COX18: variants seen among roughly 807,000 people sequenced by gnomAD.
COX18 encodes the protein cytochrome c oxidase assembly protein COX18, mitochondrial.
A neutral mutation model predicts 38.0 loss-of-function variants in COX18; 45 were observed. The observed-to-expected ratio is 1.18, with a 90% CI of 0.93 to 1.52. The LOEUF is 1.52. COX18 is among the 40% of genes most tolerant of loss of function. The pLI is 0.00. For synonymous variants in COX18, 177 were observed against 169.8 expected (o/e 1.04, Z -0.33); for missense variants, 462 against 423.8 (o/e 1.09, Z -0.79).
In COX18 at chr4:73,055,349, A is replaced by G. The variant is rs968519541; in HGVS notation, c.*2765T>C. 5.3e-5 allele frequency: 8 copies of G among 152,238 alleles called. No homozygotes were observed. The highest frequency in any genetic ancestry group is 1.9e-4 in the African/African-American group (8 of 41,460). 9.4% of individuals were successfully genotyped at this position (152,238 alleles called of 1,614,324 possible). ...GTCCACAAACACTGAAGTAGTGAAT[A>G]CCAAATCACTGCTCCTAGAAAACAT... On this transcript the variant is annotated 3_prime_UTR_variant, in exon 6 of 6. Transcript: ENST00000507544.
chr4:73,066,576 A>G (rs1449933325), intron 2 of COX18, among the ~76,000 whole-genome samples: 1 of 152,230 alleles, frequency 6.6e-6, no homozygotes, highest in Non-Finnish European at 1.5e-5. Flanking sequence ...AAGCCCTCAG[A>G]TGTTTCCTCC....
intron 2 of COX18, among the ~76,000 whole-genome samples, 165 bp downstream of exon 2, chr4:73,067,864 A>AAAATATATAT: frequency 2.0e-4 from 4 of 20,022 alleles, no homozygotes; most frequent in African/African-American, 2.7e-4. Flanking sequence ...AAAAAAAAAA[A>AAAATATATAT]ATATATATAT....
In COX18 at chr4:73,065,395, A is replaced by T; in HGVS notation, c.453T>A (p.Asn151Lys). 6.2e-7 allele frequency: 1 copy of T among 1,612,618 alleles called. No homozygotes were observed. The highest frequency in any genetic ancestry group is 8.5e-7 in the Non-Finnish European group (1 of 1,179,282). The change falls in exon 3 of 6, where the codon AAT becomes AAA. Residue 151 changes from asparagine (N) to lysine (K), a missense_variant. Coordinates refer to ENST00000507544, the MANE Select transcript of COX18 (RefSeq NM_001297732.2). ...ATAGCTCTGAAATTAGCCTCCTCAT[A>T]TTCTTTAGATAAGTGAGCCTAGATT... ...KRDARLTYLK[N>K]MRRLISELYV...
intron 2 of COX18, among the ~76,000 whole-genome samples, chr4:73,066,082 T>C (rs1380239212): frequency 1.3e-5 from 2 of 152,242 alleles, no homozygotes; most frequent in Non-Finnish European, 2.9e-5. Flanking sequence ...CTGTATCATA[T>C]ATTTTGTACA....
At chr4:73,062,604 C>T (rs970069470) in intron 4 of COX18, among the ~76,000 whole-genome samples, 8 of 151,942 alleles carry the variant, frequency 5.3e-5, no homozygotes, top group East Asian at 3.9e-4. Flanking sequence ...CCAGGCAGGC[C>T]GATTGTTTGA....
intron 2 of COX18, among the ~76,000 whole-genome samples, chr4:73,067,550 TAA>T (rs898642840): frequency 1.3e-5 from 2 of 151,938 alleles, no homozygotes; most frequent in African/African-American, 2.4e-5. Context: ...TATGAAAATA[TAA>T]AAGAGTAGGC....
At position 73,069,646 on chromosome 4, in the gene COX18, G is replaced by A. The variant is rs761373519; in HGVS notation, c.4C>T (p.Leu2=). Residue 2 remains leucine (L), a synonymous_variant, in exon 1 of 6, where the codon CTG becomes TTG. Transcript: ENST00000507544. M[L]CRLGGRWLRP... is the part of the protein sequence containing the mutation. ...AGCCACCGACCGCCGAGCCGGCACA[G>A]CATTTCTGCACCACGGCGGAGCCCA... The A allele has an allele frequency of 1.8e-5, 28 of 1,548,476 alleles. No homozygotes were observed. Among genetic ancestry groups the A allele is most frequent in the Non-Finnish European group, 2.4e-5 (28 of 1,152,330 alleles).
chr4:73,069,276 G>A (rs1000028337), intron 1 of COX18, 41 bp downstream of exon 1: 2 of 1,397,164 alleles, frequency 1.4e-6, no homozygotes, highest in South Asian at 1.5e-5. Flanking sequence ...CCGCCGCAGG[G>A]GTTGCAGCGC....
In COX18 at chr4:73,061,877, T is replaced by A. The variant is rs776772795; in HGVS notation, c.767A>T (p.Tyr256Phe). ...QKIGMSRFQT[Y>F]ITYFVRAMSV... ...CATTGCACGGACAAAGTACGTAATA[T>A]ACGTCTGAAAACGAGACATTCCAAT... Residue 256 changes from tyrosine (Y) to phenylalanine (F), a missense_variant, in exon 5 of 6, where the codon TAT becomes TTT. Transcript: ENST00000507544. 1 of 1,613,688 alleles carries A rather than the reference T, an allele frequency of 6.2e-7. No homozygotes were observed. Among genetic ancestry groups the A allele is most frequent in the East Asian group, 2.2e-5 (1 of 44,882 alleles).
chr4:73,066,673 C>T (rs758068266), intron 2 of COX18, among the ~76,000 whole-genome samples: 1 of 152,306 alleles, frequency 6.6e-6, no homozygotes, highest in African/African-American at 2.4e-5. Flanking sequence ...ATCTAGGCTG[C>T]GTTGATAACC....
At position 73,054,579 on chromosome 4, in the gene COX18, A is replaced by G. The variant is rs950962355; in HGVS notation, c.*3535T>C. 2 of 152,230 alleles carry G rather than the reference A, an allele frequency of 1.3e-5. No homozygotes were observed. Among genetic ancestry groups the G allele is most frequent in the Non-Finnish European group, 2.9e-5 (2 of 68,046 alleles). The allele number at this position is 152,230 out of a possible 1,614,324, so 9.4% of individuals were successfully genotyped here. ...TCAAACTTCCTGTATATATTTGAAA[A>G]GAAATTTCAAGTTTGAAAGTTTGAC... is the stretch of plus-strand genomic sequence containing the variant. On this transcript the variant is annotated 3_prime_UTR_variant, in exon 6 of 6. Coordinates refer to ENST00000507544, the MANE Select transcript of COX18 (RefSeq NM_001297732.2).
In COX18 at chr4:73,067,556, A is replaced by G. The variant is rs1040227153; in HGVS notation, c.434+473T>C. On this transcript the variant is annotated intron_variant, in intron 2 of 5. Coordinates refer to ENST00000507544, the MANE Select transcript of COX18 (RefSeq NM_001297732.2). The stretch of plus-strand genomic sequence containing the variant: ...TTAATAACTTATGAAAATATAAAAG[A>G]GTAGGCTGGGCACGGTGGCTCACGC... Among the ~76,000 whole-genome samples the G allele has an allele frequency of 2.0e-5, 3 of 152,096 alleles. No homozygotes were observed. In the South Asian group the frequency reaches 6.2e-4, roughly 32 times the overall value.
chr4:73,069,724 C>G (rs577294630), upstream of COX18: 11 of 1,392,834 alleles, frequency 7.9e-6, no homozygotes, highest in African/African-American at 1.1e-4. Flanking sequence ...AAGGCTGATA[C>G]GCGCACGCGC....
chr4:73,069,268 G>A (rs1203947852), intron 1 of COX18, 49 bp downstream of exon 1: 2 of 1,373,318 alleles, frequency 1.5e-6, no homozygotes. Flanking sequence ...GCCTTCCTCC[G>A]CCGCAGGGGT....
rs1467570372 is a variant in COX18, at chr4:73,069,667, G to GC, written c.-19dup. On this transcript the variant is annotated 5_prime_UTR_variant, in exon 1 of 6. Transcript: ENST00000507544. ...CACAGCATTTCTGCACCACGGCGGA[G>GC]CCCAGATCCCGGGCCTCACAATCCA... The GC allele has an allele frequency of 6.5e-7, 1 of 1,540,484 alleles. No homozygotes were observed. Among genetic ancestry groups the GC allele is most frequent in the Non-Finnish European group, 8.7e-7 (1 of 1,148,452 alleles).
At chr4:73,068,730 T>C (rs1720595704) in intron 1 of COX18, 1 of 153,134 alleles carries the variant, frequency 6.5e-6, no homozygotes, top group African/African-American at 2.4e-5. Flanking sequence ...CCGTATTATC[T>C]GACTTGCTCT....
At chr4:73,063,473 C>T (rs1720282061) in intron 4 of COX18, among the ~76,000 whole-genome samples, 1 of 152,218 alleles carries the variant, frequency 6.6e-6, no homozygotes, top group Non-Finnish European at 1.5e-5. Context: ...TCACTGCAGC[C>T]TCCATCTCTT....
chr4:73,068,223 A>G, intron 1 of COX18, 94 bp from the exon 2 acceptor site: 2 of 759,906 alleles, frequency 2.6e-6, no homozygotes, highest in Non-Finnish European at 4.2e-6. Flanking sequence ...GTCATTTAAA[A>G]ATGTAGTTTA....
In COX18 at chr4:73,061,929, G is replaced by A; in HGVS notation, c.724-9C>T. The A allele has an allele frequency of 7.1e-7, 1 of 1,402,444 alleles. No homozygotes were observed. The highest frequency in any genetic ancestry group is 1.0e-6 in the Non-Finnish European group (1 of 989,454). 86.9% of individuals were successfully genotyped at this position (1,402,444 alleles called of 1,614,324 possible). A position where few individuals can be genotyped will look rare whatever the true frequency, so the allele number is the denominator to read the frequency against. On this transcript the variant is annotated splice_polypyrimidine_tract_variant and intron_variant, in intron 4 of 5. Coordinates refer to ENST00000507544, the MANE Select transcript of COX18 (RefSeq NM_001297732.2). ...TTTTGTAGAGCACAAATCTGAAGGGGTAGAACATATACATGCATAATGATT... is the reference window on the plus strand; with the variant it reads ...TTTTGTAGAGCACAAATCTGAAGGGATAGAACATATACATGCATAATGATT...
Sources: gnomAD v4.1 joint callset for allele counts (sites outside exome capture counted in the v4.1 genomes callset) on GRCh38, gnomAD v4.1.1 for gene constraint, MANE v1.5 for transcripts, NCBI Gene and HGNC (gene_info 2026-07-23, HGNC 2026-07-21) for gene names.